Variants in CD80 observed in about 807,000 individuals in gnomAD.
CD80 encodes the protein T-lymphocyte activation antigen CD80.
Under a neutral mutation model 27.1 loss-of-function variants are expected in CD80, and 13 were observed. That is an observed-to-expected ratio of 0.48 (90% CI 0.31 to 0.76). The LOEUF (loss-of-function observed/expected upper bound fraction) is 0.76, where lower values mean the gene tolerates loss of function less well. CD80 is among the 30% of genes least tolerant of loss of function. The probability of loss-of-function intolerance (pLI) is 0.04; values close to 1 mark genes in which losing one functional copy is unlikely to be tolerated. For synonymous variants in CD80, 125 were observed against 125.5 expected (o/e 1.00, Z 0.03); for missense variants, 277 against 347.9 (o/e 0.80, Z 1.62).
At position 119,538,745 on chromosome 3, in the gene CD80, A is replaced by T. The variant is rs183485471; in HGVS notation, c.419-1327T>A. On this transcript the variant is annotated intron_variant, in intron 3 of 6. Coordinates refer to ENST00000264246, the MANE Select transcript of CD80 (RefSeq NM_005191.4). ...ATAGAGAAGGCTTTGCCTAACATAG[A>T]ACTTTCGTTGGAAAGGGTCTAGATG... Among the ~76,000 whole-genome samples the T allele has an allele frequency of 4.6e-5, 7 of 152,300 alleles. No individual in the cohort carries two copies. The East Asian group carries it at 1.3e-3, about 29-fold the overall frequency.
rs1280297544 is a variant in CD80, at chr3:119,525,556, A to C, written c.*232T>G. 1 of 152,440 alleles carries C rather than the reference A, an allele frequency of 6.6e-6. No individual in the cohort carries two copies. The highest frequency in any genetic ancestry group is 1.5e-5 in the Non-Finnish European group (1 of 68,040). 9.4% of individuals were successfully genotyped at this position (152,440 alleles called of 1,614,324 possible). On this transcript the variant is annotated 3_prime_UTR_variant, in exon 7 of 7. Transcript: ENST00000264246. ...TCTAAAGTCCCTTCCAGAACTCAAG[A>C]ATTCTGCATTTCAAAACACCTTGAT...
chr3:119,558,549 G>C (rs937800077), intron 1 of CD80, among the ~76,000 whole-genome samples: 31 of 152,074 alleles, frequency 2.0e-4, no homozygotes, highest in African/African-American at 7.5e-4. Context: ...GATTACTTGA[G>C]GCCAGGAGTT....
rs144480198 is a variant in CD80, at chr3:119,548,370, G to A, written c.101-3503C>T. Among the ~76,000 whole-genome samples, 3 of 152,274 alleles carry A rather than the reference G, an allele frequency of 2.0e-5. No individual in the cohort carries two copies. In the East Asian group the frequency reaches 5.8e-4, roughly 29 times the overall value. The stretch of plus-strand genomic sequence containing the variant: ...AGATGCCTATGGGCCAGGAGTTGGG[G>A]ACAGAGACAGGGATCCCTAGTGAGT... On this transcript the variant is annotated intron_variant, in intron 2 of 6. Coordinates refer to ENST00000264246, the MANE Select transcript of CD80 (RefSeq NM_005191.4).
intron 2 of CD80, among the ~76,000 whole-genome samples, chr3:119,556,254 A>G (rs747200434): frequency 6.6e-6 from 1 of 151,878 alleles, no homozygotes; most frequent in Non-Finnish European, 1.5e-5. Context: ...CTTTCCACTT[A>G]CCTCTGACCC....
intron 6 of CD80, among the ~76,000 whole-genome samples, chr3:119,526,085 G>A (rs1473072732): frequency 6.6e-6 from 1 of 152,056 alleles, no homozygotes; most frequent in Non-Finnish European, 1.5e-5. Context: ...TCAGGCAAAT[G>A]TTTAGTTATT....
chr3:119,558,053 G>A (rs753620330), intron 1 of CD80, 125 bp from the exon 2 acceptor site: 9 of 177,320 alleles, frequency 5.1e-5, no homozygotes, highest in East Asian at 1.5e-4. Context: ...AAAGCAGGGC[G>A]TGACCCTGAG....
At chr3:119,525,903 A>T (rs530790946) in intron 6 of CD80, among the ~76,000 whole-genome samples, 154 bp from the exon 7 acceptor site, 10 of 141,422 alleles carry the variant, frequency 7.1e-5, no homozygotes, top group Admixed American at 5.0e-4. Context: ...ATATATATAT[A>T]TTTTAAATAT....
intron 3 of CD80, among the ~76,000 whole-genome samples, chr3:119,542,463 G>C (rs1393063696): frequency 6.6e-6 from 1 of 152,142 alleles, no homozygotes; most frequent in African/African-American, 2.4e-5. Context: ...GTTTTCACTA[G>C]AGGCTCAAGT....
chr3:119,544,844 CT>C lies in CD80; in HGVS notation c.123del (p.Val42Ter). On this transcript the variant is annotated frameshift_variant, in exon 3 of 7. Transcript: ENST00000264246. LOFTEE classifies it high-confidence loss of function. Reference protein sequence around the residue: ...FCSGVIHVTKEVKEVATLSCG... With the variant: ...FCSGVIHVTKXVKEVATLSCG... Reference sequence around the variant, plus strand: ...CAGGACAGCGTTGCCACTTCTTTCACTTCCTTGGTCACGTGGATAACACCTA... The same window carrying C: ...CAGGACAGCGTTGCCACTTCTTTCACTCCTTGGTCACGTGGATAACACCTA... The C allele has an allele frequency of 6.2e-7, 1 of 1,614,088 alleles. No homozygotes were observed. Among genetic ancestry groups the C allele is most frequent in the Non-Finnish European group, 8.5e-7 (1 of 1,179,958 alleles).
chr3:119,526,406 G>A (rs1256376837), intron 6 of CD80, among the ~76,000 whole-genome samples: 1 of 152,156 alleles, frequency 6.6e-6, no homozygotes, highest in African/African-American at 2.4e-5. Flanking sequence ...GATAATGACA[G>A]AACTGAGCCA....
At chr3:119,525,933 CTT>C (rs1413064292) in intron 6 of CD80, among the ~76,000 whole-genome samples, 184 bp from the exon 7 acceptor site, 7 of 149,406 alleles carry the variant, frequency 4.7e-5, no homozygotes, top group Non-Finnish European at 7.4e-5. Context: ...ATTTTAATCT[CTT>C]AATTTACATT....
intron 3 of CD80, among the ~76,000 whole-genome samples, chr3:119,538,019 A>G (rs772207169): frequency 3.9e-5 from 6 of 152,212 alleles, no homozygotes; most frequent in Admixed American, 1.3e-4. Context: ...ATTGTAAGAG[A>G]TGAAGAGAAG....
At chr3:119,535,929 T>C (rs1292103376) in intron 4 of CD80, among the ~76,000 whole-genome samples, 1 of 152,186 alleles carries the variant, frequency 6.6e-6, no homozygotes, top group Non-Finnish European at 1.5e-5. Context: ...TAATGGTTTT[T>C]AGTATATATA....
rs199938816 is a variant in CD80 at position 119,527,865 on chromosome 3, A to G, written c.797-24T>C. The G allele has an allele frequency of 1.3e-5, 21 of 1,595,820 alleles. No homozygotes were observed. In the African/African-American group the frequency reaches 2.8e-4, roughly 21 times the overall value. ...GCCTTGGAGACAAGAACAAACAATAAAAATGATAAGTAAGTTTCCCTTGAA... is the reference window on the plus strand; with the variant it reads ...GCCTTGGAGACAAGAACAAACAATAGAAATGATAAGTAAGTTTCCCTTGAA... On this transcript the variant is annotated intron_variant, in intron 5 of 6. Transcript: ENST00000264246.
intron 5 of CD80, among the ~76,000 whole-genome samples, chr3:119,528,169 G>C (rs1008052889): frequency 6.6e-6 from 1 of 152,148 alleles, no homozygotes; most frequent in African/African-American, 2.4e-5. Flanking sequence ...CAATAATGTT[G>C]AGGATGAGAG....
At chr3:119,559,191 C>T (rs1311985868) in intron 1 of CD80, among the ~76,000 whole-genome samples, 3 of 152,114 alleles carry the variant, frequency 2.0e-5, no homozygotes, top group African/African-American at 7.2e-5. Context: ...TCAAATACGG[C>T]CCACAAAAAC....
At chr3:119,549,347 G>A (rs1225465239) in intron 2 of CD80, among the ~76,000 whole-genome samples, 2 of 152,164 alleles carry the variant, frequency 1.3e-5, no homozygotes, top group African/African-American at 4.8e-5. Context: ...TGTGTCAATA[G>A]CACCAAAATT....
At chr3:119,542,943 G>A (rs554735684) in intron 3 of CD80, among the ~76,000 whole-genome samples, 8 of 152,196 alleles carry the variant, frequency 5.3e-5, no homozygotes, top group Admixed American at 3.3e-4. Flanking sequence ...GCACTTGATG[G>A]ATCAGCTGGC....
chr3:119,541,862 G>A (rs995493360), intron 3 of CD80, among the ~76,000 whole-genome samples: 1 of 152,098 alleles, frequency 6.6e-6, no homozygotes, highest in African/African-American at 2.4e-5. Context: ...CCCCTTAGCT[G>A]TCCTTGGTCT....
Sources: gnomAD v4.1 joint callset for allele counts (sites outside exome capture counted in the v4.1 genomes callset) on GRCh38, gnomAD v4.1.1 for gene constraint, MANE v1.5 for transcripts, NCBI Gene and HGNC (gene_info 2026-07-23, HGNC 2026-07-21) for gene names.